GZMM: variants seen among roughly 807,000 people sequenced by gnomAD.
GZMM encodes HU-Met-1.
A neutral mutation model predicts 19.2 loss-of-function variants in GZMM; 23 were observed. That is an observed-to-expected ratio of 1.20 (90% CI 0.86 to 1.69). GZMM has a LOEUF of 1.69. Among genes scored for constraint, GZMM ranks in the 40% most tolerant of loss-of-function variants. GZMM has a pLI of 0.00. For synonymous variants in GZMM, 178 were observed against 160.2 expected, an observed-to-expected ratio of 1.11 and a Z score of -0.84; for missense variants, 373 against 352.2, an observed-to-expected ratio of 1.06 and a Z score of -0.47.
intron 1 of GZMM, among the ~76,000 whole-genome samples, chr19:546,251 AT>A (rs1980276701): frequency 6.6e-6 from 1 of 151,890 alleles, no homozygotes; most frequent in Non-Finnish European, 1.5e-5. Flanking sequence ...TAAAGACTAC[AT>A]TTCTTGCTGG....
In GZMM at chr19:548,920, A is replaced by C; in HGVS notation, c.349-2A>C. 6.4e-7 allele frequency: 1 copy of C among 1,553,260 alleles called. No individual in the cohort carries two copies. Among genetic ancestry groups the C allele is most frequent in the Non-Finnish European group, 8.7e-7 (1 of 1,147,166 alleles). On this transcript the variant is annotated splice_acceptor_variant, in intron 3 of 4. Coordinates refer to ENST00000264553, the MANE Select transcript of GZMM (RefSeq NM_005317.4). LOFTEE classifies it high-confidence loss of function. ...TCACCTGCCCCTTCCTGTCACTCGT[A>C]GCTGGACGGGAAAGTGAAGCCCAGC...
intron 1 of GZMM, among the ~76,000 whole-genome samples, chr19:546,687 A>C (rs1980294288): frequency 6.6e-6 from 1 of 150,668 alleles, no homozygotes; most frequent in South Asian, 2.1e-4. Context: ...AAAATACAAA[A>C]ATTATCCAGG....
In GZMM at chr19:545,915, T is replaced by C. The variant is rs372914330; in HGVS notation, c.56-1365T>C. 8.5e-5 allele frequency among the ~76,000 whole-genome samples: 13 copies of C among 152,166 alleles called. No individual in the cohort carries two copies. The East Asian group carries it at 2.2e-3, about 25-fold the overall frequency. Reference sequence around the variant, plus strand: ...GCCTCGGCCTCCCAAAGTGCTGGGATTACAGGCGTGAGCCACCGCACCCGG... The same window carrying C: ...GCCTCGGCCTCCCAAAGTGCTGGGACTACAGGCGTGAGCCACCGCACCCGG... On this transcript the variant is annotated intron_variant, in intron 1 of 4. Coordinates refer to ENST00000264553, the MANE Select transcript of GZMM (RefSeq NM_005317.4).
intron 1 of GZMM, 59 bp from the exon 2 acceptor site, chr19:547,221 C>G (rs935250038): frequency 2.8e-6 from 4 of 1,410,798 alleles, no homozygotes; most frequent in Non-Finnish European, 2.8e-6. Context: ...CAAGGACAGT[C>G]GCAGCAGGCA....
rs1464576865 is a variant in GZMM at position 549,167 on chromosome 19, G to A, written c.594G>A (p.Lys198=). Reference sequence around the variant, plus strand: ...TGGTCTGCCTGGCGGCCGACTCCAAGGACCAGGCTCCCTGCAAGGTGAGGG... The same window carrying A: ...TGGTCTGCCTGGCGGCCGACTCCAAAGACCAGGCTCCCTGCAAGGTGAGGG... ...PSMVCLAADS[K]DQAPCKGDSG... Residue 198 remains lysine (K), a synonymous_variant, in exon 4 of 5, where the codon AAG becomes AAA. Transcript: ENST00000264553. 3 of 1,576,366 alleles carry A rather than the reference G, an allele frequency of 1.9e-6. No homozygotes were observed. Among genetic ancestry groups the A allele is most frequent in the Non-Finnish European group, 2.6e-6 (3 of 1,161,840 alleles).
chr19:545,103 C>T (rs369750591), intron 1 of GZMM, among the ~76,000 whole-genome samples: 1 of 151,726 alleles, frequency 6.6e-6, no homozygotes, highest in African/African-American at 2.4e-5. Flanking sequence ...CCTTCCATCC[C>T]TCCTTCCTTT....
At chr19:549,303 G>C in intron 4 of GZMM, 118 bp downstream of exon 4, 1 of 1,073,050 alleles carries the variant, frequency 9.3e-7, no homozygotes, top group Non-Finnish European at 1.3e-6. Flanking sequence ...CAGGGGCTGG[G>C]GGGCGGGGAA....
Position 548,631 on chromosome 19 carries a change from G to A in GZMM, c.302G>A (p.Arg101His), listed in dbSNP as rs556049813. ...FHIKAAIQHP[R>H]YKPVPALEND... is the part of the protein sequence containing the mutation. ...ATCAAGGCAGCCATCCAGCACCCTC[G>A]CTACAAGCCCGTCCCTGCCCTGGAG... Residue 101 changes from arginine to histidine, a missense_variant, in exon 3 of 5, where the codon CGC becomes CAC. By Grantham distance (29) the Arg-to-His change is conservative. Coordinates refer to ENST00000264553, the MANE Select transcript of GZMM (RefSeq NM_005317.4). 6.8e-6 allele frequency: 11 copies of A among 1,613,606 alleles called. No individual in the cohort carries two copies. The highest frequency in any genetic ancestry group is 4.0e-5 in the African/African-American group (3 of 74,974).
At position 549,173 on chromosome 19, in the gene GZMM, G is replaced by A; in HGVS notation, c.600G>A (p.Gln200=). ...GCCTGGCGGCCGACTCCAAGGACCA[G>A]GCTCCCTGCAAGGTGAGGGGCGCCC... The part of the protein sequence containing the change: ...MVCLAADSKD[Q]APCKGDSGGP... Residue 200 remains glutamine (Q), a synonymous_variant, in exon 4 of 5, where the codon CAG becomes CAA. Transcript: ENST00000264553. 6.4e-7 allele frequency: 1 copy of A among 1,573,788 alleles called. No homozygotes were observed. Among genetic ancestry groups the A allele is most frequent in the East Asian group, 2.3e-5 (1 of 43,214 alleles).
chr19:549,258 G>T, intron 4 of GZMM, 73 bp downstream of exon 4: 1 of 1,422,390 alleles, frequency 7.0e-7, no homozygotes, highest in Non-Finnish European at 9.5e-7. Flanking sequence ...CCGCCGGGCA[G>T]GTTCCTGGCT....
intron 4 of GZMM, 116 bp downstream of exon 4, chr19:549,301 G>T (rs1980423254): frequency 9.4e-7 from 1 of 1,069,324 alleles, no homozygotes. Context: ...GTCAGGGGCT[G>T]GGGGGCGGGG....
chr19:544,276 C>T (rs891180241), intron 1 of GZMM, 150 bp downstream of exon 1: 12 of 680,456 alleles, frequency 1.8e-5, no homozygotes, highest in Non-Finnish European at 2.8e-5. Flanking sequence ...CTGGGGCATC[C>T]CGAGCTCCTC....
At chr19:547,862 G>T (rs1431681671) in intron 2 of GZMM, among the ~76,000 whole-genome samples, 2 of 152,186 alleles carry the variant, frequency 1.3e-5, no homozygotes, top group African/African-American at 2.4e-5. Context: ...GAATCGACCT[G>T]GTTCCCGGGG....
intron 1 of GZMM, among the ~76,000 whole-genome samples, chr19:545,080 A>C: frequency 1.5e-5 from 2 of 130,264 alleles, no homozygotes; most frequent in East Asian, 2.1e-4. Context: ...CCATCCATCC[A>C]TCATCCATTC....
chr19:549,867 G>T lies in GZMM; in HGVS notation c.*76G>T. The T allele has an allele frequency of 1.1e-6, 1 of 937,112 alleles. No individual in the cohort carries two copies. Among genetic ancestry groups the T allele is most frequent in the Non-Finnish European group, 1.6e-6 (1 of 607,892 alleles). 58.0% of individuals were successfully genotyped at this position (937,112 alleles called of 1,614,324 possible). On this transcript the variant is annotated 3_prime_UTR_variant, in exon 5 of 5. Transcript: ENST00000264553. ...TCCAGGGGTGCAGTGGGGTGGGTGA[G>T]GACGGGTGGGAGGGACAGGGAGGGA...
At chr19:544,233 G>A in intron 1 of GZMM, 107 bp downstream of exon 1, 1 of 912,796 alleles carries the variant, frequency 1.1e-6, no homozygotes, top group Non-Finnish European at 1.7e-6. Flanking sequence ...TGTAAGAGCG[G>A]AGATTCATCC....
chr19:549,243 G>A, intron 4 of GZMM, 58 bp downstream of exon 4: 3 of 1,482,858 alleles, frequency 2.0e-6, no homozygotes, highest in Non-Finnish European at 2.7e-6. Flanking sequence ...CCGGGGCCAG[G>A]GCAGCCGCCG....
At chr19:546,928 CCCT>C (rs755665288) in intron 1 of GZMM, among the ~76,000 whole-genome samples, 7 of 152,026 alleles carry the variant, frequency 4.6e-5, no homozygotes, top group South Asian at 2.1e-4. Flanking sequence ...AAGTGATCCT[CCCT>C]CCTCAGCCTC....
chr19:544,982 C>T (rs112286957), intron 1 of GZMM, among the ~76,000 whole-genome samples: 43 of 151,704 alleles, frequency 2.8e-4, no homozygotes, highest in African/African-American at 8.5e-4. Context: ...TCCCTCCACC[C>T]GTCATCCTTC....
Sources: allele counts gnomAD v4.1 joint callset (sites outside exome capture counted in the v4.1 genomes callset), GRCh38; gene constraint gnomAD v4.1.1; transcripts MANE v1.5; gene names NCBI Gene and HGNC (gene_info 2026-07-23, HGNC 2026-07-21).